Variants in XRCC6 observed in about 807,000 individuals in gnomAD.
The protein encoded by XRCC6 is X-ray repair cross complementing 6, also known as DNA repair protein Ku70.
XRCC6 carries 5 observed loss-of-function variants against 65.7 expected under a neutral mutation model. The ratio of observed to expected loss-of-function variants is 0.08; its 90% CI spans 0.04 to 0.16. The LOEUF is 0.16. Ranked by LOEUF, XRCC6 falls within the 10% of genes least tolerant of loss-of-function variation. XRCC6 has a pLI of 1.00. For missense variants in XRCC6, 447 were observed against 738.1 expected, an observed-to-expected ratio of 0.61 and a Z score of 4.57; for synonymous variants, 270 against 270.6, an observed-to-expected ratio of 1.00 and a Z score of 0.02.
chr22:41,628,522 G>C (rs889295318), intron 3 of XRCC6, among the ~76,000 whole-genome samples: 2 of 152,166 alleles, frequency 1.3e-5, no homozygotes, highest in Non-Finnish European at 2.9e-5. Context: ...TCCTCCTCTT[G>C]CAGAGATGGA....
At chr22:41,638,362 G>GGGCTGTGT (rs1485271926) in intron 6 of XRCC6, among the ~76,000 whole-genome samples, 1 of 152,112 alleles carries the variant, frequency 6.6e-6, no homozygotes, top group Non-Finnish European at 1.5e-5. Context: ...CTACACACCT[G>GGGCTGTGT]GGCTGTGTGG....
At chr22:41,631,733 G>C (rs368417818) in intron 3 of XRCC6, among the ~76,000 whole-genome samples, 18 of 148,316 alleles carry the variant, frequency 1.2e-4, no homozygotes, top group Non-Finnish European at 2.3e-4. Context: ...GGTGGCGGCC[G>C]GGCAGAGGCT....
chr22:41,643,672 T>C (rs2067901762), intron 6 of XRCC6, among the ~76,000 whole-genome samples: 1 of 151,686 alleles, frequency 6.6e-6, no homozygotes, highest in Non-Finnish European at 1.5e-5. Flanking sequence ...AATACAAAAA[T>C]TAGCTGGGCG....
chr22:41,632,388 A>G (rs959694072), intron 3 of XRCC6, among the ~76,000 whole-genome samples: 1 of 151,770 alleles, frequency 6.6e-6, no homozygotes, highest in African/African-American at 2.4e-5. Flanking sequence ...AGGTGAGTGA[A>G]TCACTTGAGG....
At chr22:41,627,609 C>CA (rs71184821) in intron 2 of XRCC6, among the ~76,000 whole-genome samples, 68,824 of 97,328 alleles carry the variant, frequency 0.71, 24,843 homozygotes, top group East Asian at 0.89. Flanking sequence ...GACTCCGTCT[C>CA]AAAAAAAAAA....
intron 2 of XRCC6, among the ~76,000 whole-genome samples, chr22:41,624,041 T>C (rs71329104): frequency 2.2e-3 from 338 of 152,254 alleles, no homozygotes; most frequent in Non-Finnish European, 3.5e-3. Flanking sequence ...ATTTTAAATA[T>C]ACCATAATTT....
intron 6 of XRCC6, among the ~76,000 whole-genome samples, 170 bp downstream of exon 6, chr22:41,637,961 C>T (rs796947179): frequency 4.3e-3 from 210 of 48,898 alleles, no homozygotes; most frequent in African/African-American, 0.032. Context: ...CTCTCTCTAC[C>T]TAAAAAAAAA....
At chr22:41,628,725 C>T (rs2067705946) in intron 3 of XRCC6, among the ~76,000 whole-genome samples, 1 of 152,052 alleles carries the variant, frequency 6.6e-6, no homozygotes, top group African/African-American at 2.4e-5. Flanking sequence ...AATCCCAGCA[C>T]TTTGGGAGGC....
At chr22:41,622,628 A>G (rs1487468276) in intron 2 of XRCC6, among the ~76,000 whole-genome samples, 1 of 152,100 alleles carries the variant, frequency 6.6e-6, no homozygotes, top group Non-Finnish European at 1.5e-5. Flanking sequence ...GAGCAGAAAA[A>G]TTTTGAATAT....
At chr22:41,656,028 G>A (rs1200349467) in intron 9 of XRCC6, among the ~76,000 whole-genome samples, 1 of 151,196 alleles carries the variant, frequency 6.6e-6, no homozygotes. Context: ...CAGGAGTTTT[G>A]AGACCAGCCT....
chr22:41,629,399 T>A (rs1381775039), intron 3 of XRCC6, among the ~76,000 whole-genome samples: 1 of 152,224 alleles, frequency 6.6e-6, no homozygotes, highest in Non-Finnish European at 1.5e-5. Context: ...TACTACAAAG[T>A]AGATGAATCT....
chr22:41,655,612 G>A (rs1339176047), intron 9 of XRCC6, among the ~76,000 whole-genome samples: 1 of 151,746 alleles, frequency 6.6e-6, no homozygotes, highest in Non-Finnish European at 1.5e-5. Flanking sequence ...TGAGGCAGGA[G>A]AATGGTGTGA....
chr22:41,626,236 A>G (rs1408685380), intron 2 of XRCC6, among the ~76,000 whole-genome samples: 1 of 151,292 alleles, frequency 6.6e-6, no homozygotes, highest in Non-Finnish European at 1.5e-5. Context: ...TCTGCGTCCC[A>G]GATTCAAGCG....
At chr22:41,652,435 G>A (rs2068009193) in intron 8 of XRCC6, among the ~76,000 whole-genome samples, 1 of 147,194 alleles carries the variant, frequency 6.8e-6, no homozygotes, top group Non-Finnish European at 1.5e-5. Flanking sequence ...GCACCATCTT[G>A]GCTCACTGCA....
intron 11 of XRCC6, among the ~76,000 whole-genome samples, chr22:41,660,794 T>A (rs1196130507): frequency 6.6e-6 from 1 of 152,156 alleles, no homozygotes; most frequent in Non-Finnish European, 1.5e-5. Context: ...CTCACTGGGC[T>A]GTAAGCTCAC....
At chr22:41,631,894 G>A (rs1296350358) in intron 3 of XRCC6, among the ~76,000 whole-genome samples, 2 of 152,320 alleles carry the variant, frequency 1.3e-5, no homozygotes, top group East Asian at 3.9e-4. Context: ...CGGAGGCCGA[G>A]GCTGGCGGAT....
At chr22:41,650,649 G>T (rs2067985449) in intron 7 of XRCC6, 74 bp from the exon 8 acceptor site, 1 of 1,505,182 alleles carries the variant, frequency 6.6e-7, no homozygotes, top group Non-Finnish European at 9.1e-7. Context: ...TAACTTGCTA[G>T]TGTCATCATC....
chr22:41,635,854 G>A (rs146227154), intron 3 of XRCC6, among the ~76,000 whole-genome samples: 145 of 152,134 alleles, frequency 9.5e-4, no homozygotes, highest in African/African-American at 3.4e-3. Flanking sequence ...CTGAATATAC[G>A]TATTGTTAAT....
chr22:41,635,422 G>A (rs893887854), intron 3 of XRCC6, among the ~76,000 whole-genome samples: 8 of 152,198 alleles, frequency 5.3e-5, no homozygotes, highest in Non-Finnish European at 7.3e-5. Context: ...AAGATCACAT[G>A]ACCTGTCCAA....
Sources: allele counts gnomAD v4.1 joint callset (sites outside exome capture counted in the v4.1 genomes callset), GRCh38; gene constraint gnomAD v4.1.1; transcripts MANE v1.5; gene names NCBI Gene and HGNC (gene_info 2026-07-23, HGNC 2026-07-21).